Variants in TRPM3 observed in about 807,000 individuals in gnomAD.
TRPM3 encodes the protein transient receptor potential cation channel subfamily M member 3.
In TRPM3, 77 loss-of-function variants were observed where a neutral mutation model predicts 181.2. The observed-to-expected ratio is 0.42, with a 90% CI of 0.35 to 0.51. The LOEUF (loss-of-function observed/expected upper bound fraction) is 0.51, where lower values mean the gene tolerates loss of function less well. Among genes scored for constraint, TRPM3 ranks in the 20% least tolerant of loss-of-function variants. TRPM3 has a pLI of 0.01. For missense variants in TRPM3, 1,759 were observed against 2,196.7 expected (o/e 0.80, Z 3.98); for synonymous variants, 745 against 796.4 (o/e 0.94, Z 1.09).
intron 1 of TRPM3, among the ~76,000 whole-genome samples, chr9:71,259,262 T>C (rs891699846): frequency 2.6e-5 from 4 of 152,228 alleles, no homozygotes; most frequent in Non-Finnish European, 5.9e-5. Context: ...TCACAGTGTA[T>C]ATGTGCCACA....
intron 1 of TRPM3, among the ~76,000 whole-genome samples, chr9:70,998,288 C>T (rs1273261249): frequency 2.0e-5 from 3 of 149,322 alleles, no homozygotes. Context: ...TTTTTCTTAC[C>T]TGACATAACC....
chr9:71,324,705 T>G (rs1009392724), intron 1 of TRPM3, among the ~76,000 whole-genome samples: 2 of 152,062 alleles, frequency 1.3e-5, no homozygotes, highest in African/African-American at 4.8e-5. Context: ...AGCAAAGATA[T>G]GGAACCAACC....
intron 1 of TRPM3, among the ~76,000 whole-genome samples, chr9:71,235,607 C>A (rs1367301005): frequency 6.6e-6 from 1 of 152,188 alleles, no homozygotes; most frequent in Non-Finnish European, 1.5e-5. Context: ...AGTTTCTGAT[C>A]ACTAATAGGA....
At chr9:70,554,324 A>G (rs188680244) in intron 22 of TRPM3, among the ~76,000 whole-genome samples, 27 of 152,254 alleles carry the variant, frequency 1.8e-4, no homozygotes, top group Admixed American at 7.2e-4. Context: ...GGCTCTTTAC[A>G]TCTACCTGTA....
intron 1 of TRPM3, among the ~76,000 whole-genome samples, chr9:71,042,753 A>C (rs538418730): frequency 2.0e-5 from 3 of 152,330 alleles, no homozygotes; most frequent in South Asian, 2.1e-4. Flanking sequence ...CCCAGGTAAG[A>C]GTCAATTTTT....
At chr9:71,134,949 T>C (rs180761525) in intron 1 of TRPM3, among the ~76,000 whole-genome samples, 2 of 152,196 alleles carry the variant, frequency 1.3e-5, no homozygotes, top group Admixed American at 1.3e-4. Flanking sequence ...CCCCTTGAAA[T>C]AGAAAAGACT....
intron 1 of TRPM3, among the ~76,000 whole-genome samples, chr9:71,213,159 C>T (rs1056965209): frequency 2.0e-5 from 3 of 152,156 alleles, no homozygotes; most frequent in African/African-American, 4.8e-5. Context: ...TATGGCACTG[C>T]AGCAGAATGC....
At chr9:71,293,338 A>G (rs1270414850) in intron 1 of TRPM3, among the ~76,000 whole-genome samples, 1 of 151,940 alleles carries the variant, frequency 6.6e-6, no homozygotes, top group Non-Finnish European at 1.5e-5. Context: ...TTGTAAATAA[A>G]GAAATAAAAC....
intron 8 of TRPM3, among the ~76,000 whole-genome samples, chr9:70,760,449 C>T (rs115143475): frequency 9.9e-4 from 147 of 147,958 alleles, no homozygotes; most frequent in African/African-American, 3.2e-3. Flanking sequence ...TACCTTCGTG[C>T]GTAGTAGAGT....
At chr9:71,256,011 A>G (rs1332771812) in intron 1 of TRPM3, among the ~76,000 whole-genome samples, 1 of 152,234 alleles carries the variant, frequency 6.6e-6, no homozygotes, top group Non-Finnish European at 1.5e-5. Context: ...TGCTTCCAAG[A>G]TCTGAGATGT....
chr9:71,249,148 G>C (rs1415933722), intron 1 of TRPM3, among the ~76,000 whole-genome samples: 2 of 152,132 alleles, frequency 1.3e-5, no homozygotes, highest in Non-Finnish European at 1.5e-5. Flanking sequence ...AGTAATCCCT[G>C]AAAGTATGGT....
chr9:71,442,390 C>CTTGTT (rs2094147128), intron 1 of TRPM3, among the ~76,000 whole-genome samples: 1 of 152,118 alleles, frequency 6.6e-6, no homozygotes, highest in African/African-American at 2.4e-5. Context: ...TATTTGAAAA[C>CTTGTT]AAGCTTTTAA....
At chr9:71,329,478 G>A (rs1326695740) in intron 1 of TRPM3, among the ~76,000 whole-genome samples, 3 of 152,084 alleles carry the variant, frequency 2.0e-5, no homozygotes, top group Non-Finnish European at 4.4e-5. Context: ...ACAGCAAAAA[G>A]TTCAAAGGGG....
At chr9:70,957,413 G>C (rs2097089680) in intron 1 of TRPM3, among the ~76,000 whole-genome samples, 1 of 152,110 alleles carries the variant, frequency 6.6e-6, no homozygotes, top group Non-Finnish European at 1.5e-5. Context: ...CACTGCTCCG[G>C]GTACTATCAC....
chr9:70,909,762 ATG>A (rs2096518792), intron 1 of TRPM3, among the ~76,000 whole-genome samples: 1 of 152,220 alleles, frequency 6.6e-6, no homozygotes, highest in Admixed American at 6.5e-5. Context: ...CATCAAGAAA[ATG>A]AGAATTATTT....
chr9:71,160,351 T>A (rs2076219025), intron 1 of TRPM3, among the ~76,000 whole-genome samples: 1 of 152,158 alleles, frequency 6.6e-6, no homozygotes. Context: ...TCTTCTAAAA[T>A]CATTTATGAT....
At chr9:70,622,522 G>A (rs2063777925) in intron 14 of TRPM3, among the ~76,000 whole-genome samples, 1 of 152,204 alleles carries the variant, frequency 6.6e-6, no homozygotes, top group Non-Finnish European at 1.5e-5. Context: ...CTGTGCTGAT[G>A]GTGGCAAAGG....
chr9:71,087,018 T>C (rs924174557), intron 1 of TRPM3, among the ~76,000 whole-genome samples: 3 of 152,186 alleles, frequency 2.0e-5, no homozygotes, highest in African/African-American at 7.2e-5. Context: ...ATGATCTCAA[T>C]AGCCATTGAC....
chr9:70,889,990 T>C (rs999926299), intron 1 of TRPM3, among the ~76,000 whole-genome samples: 2 of 148,152 alleles, frequency 1.3e-5, no homozygotes, highest in Non-Finnish European at 3.0e-5. Context: ...TAGCATATTA[T>C]ATATTTATAT....
Sources: gnomAD v4.1 joint callset for allele counts (sites outside exome capture counted in the v4.1 genomes callset) on GRCh38, gnomAD v4.1.1 for gene constraint, MANE v1.5 for transcripts, NCBI Gene and HGNC (gene_info 2026-07-23, HGNC 2026-07-21) for gene names.